The following MAP4 variants were observed in gnomAD, a reference collection of about 807,000 sequenced individuals.
MAP4 encodes microtubule associated protein 4.
Under a neutral mutation model 170.2 loss-of-function variants are expected in MAP4, and 76 were observed. The ratio of observed to expected loss-of-function variants is 0.45; its 90% CI spans 0.37 to 0.54. The LOEUF is 0.54. Among genes scored for constraint, MAP4 ranks in the 20% least tolerant of loss-of-function variants. The probability of loss-of-function intolerance (pLI) is 0.00; values close to 1 mark genes in which losing one functional copy is unlikely to be tolerated. For synonymous variants in MAP4, 909 were observed against 994.5 expected, an observed-to-expected ratio of 0.91 and a Z score of 1.62; for missense variants, 2,506 against 2,748.0, an observed-to-expected ratio of 0.91 and a Z score of 1.97.
At chr3:48,082,875 G>A (rs1195712165) in intron 1 of MAP4, among the ~76,000 whole-genome samples, 1 of 150,252 alleles carries the variant, frequency 6.7e-6, no homozygotes, top group African/African-American at 2.5e-5. Flanking sequence ...GATGTGACAA[G>A]AAGGGTAAAC....
chr3:47,863,007 G>A (rs995059075), intron 17 of MAP4, among the ~76,000 whole-genome samples: 6 of 147,454 alleles, frequency 4.1e-5, no homozygotes, highest in Admixed American at 6.8e-5. Flanking sequence ...ACGGAGTTTC[G>A]CTCTTGTTGC....
At chr3:48,084,575 CTT>C (rs746461438) in intron 1 of MAP4, among the ~76,000 whole-genome samples, 37 of 140,782 alleles carry the variant, frequency 2.6e-4, no homozygotes, top group East Asian at 4.1e-4. Flanking sequence ...TTTATTACCC[CTT>C]TTTTTTTTTT....
At chr3:47,858,077 G>C (rs1038638107) in intron 17 of MAP4, among the ~76,000 whole-genome samples, 1 of 143,646 alleles carries the variant, frequency 7.0e-6, no homozygotes, top group African/African-American at 2.6e-5. Context: ...AGGCTGGCAC[G>C]ATCTTGGCTC....
chr3:47,933,278 G>A (rs898584228), intron 3 of MAP4, among the ~76,000 whole-genome samples: 12 of 151,972 alleles, frequency 7.9e-5, no homozygotes, highest in Admixed American at 4.6e-4. Flanking sequence ...AACTTTTAGG[G>A]TAATAAAAAA....
In MAP4 at chr3:47,910,846, C is replaced by T. The variant is rs945608285; in HGVS notation, c.3575G>A (p.Gly1192Glu). The T allele has an allele frequency of 5.2e-6, 8 of 1,536,126 alleles. No individual in the cohort carries two copies. Among genetic ancestry groups the T allele is most frequent in the Non-Finnish European group, 6.1e-6 (7 of 1,146,898 alleles). Reference protein sequence around the residue: ...DMGVNNQSKEGRCPWKDHEAA... With the variant: ...DMGVNNQSKEERCPWKDHEAA... ...CTCATGATCCTTCCATGGACACCTTCCTTCCTTGCTCTGGTTATTGACACC... is the reference window on the plus strand; with the variant it reads ...CTCATGATCCTTCCATGGACACCTTTCTTCCTTGCTCTGGTTATTGACACC... The change falls in exon 9 of 21, where the codon GGA becomes GAA. Residue 1192 changes from glycine (G) to glutamate (E), a missense_variant. Physicochemically the swap from Gly to Glu is moderately conservative, Grantham distance 98 (BLOSUM62 -2). Around this residue, in one of 3 missense-constraint regions of MAP4, gnomAD observed 2,008 missense variants for 2,206.0 expected, o/e 0.91. Coordinates refer to ENST00000683076, the MANE Select transcript of MAP4 (RefSeq NM_001385682.1).
Position 47,869,242 on chromosome 3 carries a change from G to C in MAP4, c.6380C>G (p.Ala2127Gly), listed in dbSNP as rs879205250. ...CCCCGCAGGTTGTTTCTGTGCACTT[G>C]CAATTGGGCCGGCTGTTTTAGTGAC... ...NAVTKTAGPI[A>G]SAQKQPAGKV... Residue 2127 changes from alanine (A) to glycine (G), a missense_variant, in exon 16 of 21, where the codon GCA (alanine) becomes GGA (glycine). Around this residue, in one of 3 missense-constraint regions of MAP4, gnomAD observed 487 missense variants for 511.6 expected, o/e 0.95. Coordinates refer to ENST00000683076, the MANE Select transcript of MAP4 (RefSeq NM_001385682.1). 6 of 1,613,944 alleles carry C rather than the reference G, an allele frequency of 3.7e-6. No homozygotes were observed. Among genetic ancestry groups the C allele is most frequent in the Non-Finnish European group, 5.1e-6 (6 of 1,179,810 alleles).
At chr3:48,032,498 G>A (rs1018605075) in intron 1 of MAP4, among the ~76,000 whole-genome samples, 16 of 148,864 alleles carry the variant, frequency 1.1e-4, no homozygotes, top group South Asian at 2.1e-4. Flanking sequence ...GCAAGACTCC[G>A]TCTCAAAAAA....
At chr3:48,086,034 A>G (rs1263898917) in intron 1 of MAP4, among the ~76,000 whole-genome samples, 2 of 152,094 alleles carry the variant, frequency 1.3e-5, no homozygotes, top group South Asian at 2.1e-4. Flanking sequence ...CCTGGGCAAC[A>G]GAGTAAGACT....
At chr3:48,008,590 G>C in intron 1 of MAP4, among the ~76,000 whole-genome samples, 1 of 152,182 alleles carries the variant, frequency 6.6e-6, no homozygotes, top group East Asian at 1.9e-4. Context: ...GACAAATTTG[G>C]GGAAGAGGTA....
At chr3:47,963,153 A>G (rs901462623) in intron 3 of MAP4, among the ~76,000 whole-genome samples, 2 of 152,238 alleles carry the variant, frequency 1.3e-5, no homozygotes, top group Non-Finnish European at 2.9e-5. Context: ...CTGCTTCACA[A>G]TGGACCAATA....
intron 3 of MAP4, among the ~76,000 whole-genome samples, chr3:47,944,570 A>G (rs980143944): frequency 2.0e-5 from 3 of 152,016 alleles, no homozygotes; most frequent in Admixed American, 6.6e-5. Flanking sequence ...AAAATGCTAA[A>G]CCAGAGAATA....
intron 1 of MAP4, among the ~76,000 whole-genome samples, chr3:48,052,066 A>G (rs1046371407): frequency 2.0e-5 from 3 of 152,174 alleles, no homozygotes; most frequent in Admixed American, 2.0e-4. Flanking sequence ...ACCCATGAGA[A>G]TGTTTCCAGA....
At chr3:47,895,261 G>GTTAAGAGTC (rs2100026211) in intron 10 of MAP4, among the ~76,000 whole-genome samples, 1 of 152,184 alleles carries the variant, frequency 6.6e-6, no homozygotes, top group Non-Finnish European at 1.5e-5. Context: ...TCACTTAATA[G>GTTAAGAGTC]TTAAGAGTCT....
chr3:48,035,553 G>C (rs141949252), intron 1 of MAP4, among the ~76,000 whole-genome samples: 10 of 152,194 alleles, frequency 6.6e-5, no homozygotes, highest in Non-Finnish European at 1.2e-4. Context: ...AGGATTGCTG[G>C]AACCCAGGAG....
intron 13 of MAP4, among the ~76,000 whole-genome samples, chr3:47,871,555 T>C (rs574261423): frequency 9.0e-4 from 137 of 152,274 alleles, no homozygotes; most frequent in Non-Finnish European, 1.8e-3. Context: ...CTTATCATCA[T>C]GTAAGCCCAT....
intron 10 of MAP4, among the ~76,000 whole-genome samples, chr3:47,880,487 T>TTTTA (rs1553751785): frequency 4.7e-5 from 7 of 147,488 alleles, no homozygotes; most frequent in Non-Finnish European, 1.0e-4. Flanking sequence ...TTTTTTTTTT[T>TTTTA]AAGAGATGAA....
chr3:47,883,566 C>T (rs752150909), intron 10 of MAP4, among the ~76,000 whole-genome samples: 2 of 152,206 alleles, frequency 1.3e-5, no homozygotes, highest in Non-Finnish European at 2.9e-5. Context: ...TCTTTTATTT[C>T]TGAAATTCCA....
At chr3:47,941,778 C>A (rs112924332) in intron 3 of MAP4, among the ~76,000 whole-genome samples, 1 of 146,312 alleles carries the variant, frequency 6.8e-6, no homozygotes, top group African/African-American at 2.5e-5. Flanking sequence ...CAGGGCAAGA[C>A]TCCGTCTCAA....
At chr3:47,900,496 T>C (rs1031505295) in intron 10 of MAP4, among the ~76,000 whole-genome samples, 4 of 152,146 alleles carry the variant, frequency 2.6e-5, no homozygotes, top group African/African-American at 7.2e-5. Context: ...TCCCAGCACT[T>C]TGGGAGGCTG....
Sources: gnomAD v4.1 joint callset for allele counts (sites outside exome capture counted in the v4.1 genomes callset) on GRCh38, gnomAD v4.1.1 for gene constraint, gnomAD v4.1.1 regional missense constraint, MANE v1.5 for transcripts, NCBI Gene and HGNC (gene_info 2026-07-23, HGNC 2026-07-21) for gene names.